Variants in MED13 observed in about 807,000 individuals in gnomAD.
The protein encoded by MED13 is mediator complex subunit 13.
MED13 carries 23 observed loss-of-function variants against 225.2 expected under a neutral mutation model. That is an observed-to-expected ratio of 0.10 (90% CI 0.07 to 0.14). The LOEUF is 0.14. MED13 is among the 10% of genes least tolerant of loss of function. MED13 has a pLI of 1.00. For synonymous variants in MED13, 942 were observed against 889.2 expected, an observed-to-expected ratio of 1.06 and a Z score of -1.06; for missense variants, 2,197 against 2,594.5, an observed-to-expected ratio of 0.85 and a Z score of 3.33.
intron 8 of MED13, among the ~76,000 whole-genome samples, chr17:62,025,741 T>C (rs1453907979): frequency 6.6e-6 from 1 of 152,236 alleles, no homozygotes; most frequent in Non-Finnish European, 1.5e-5. Context: ...TCATCACTGT[T>C]TGCTGACCCC....
intron 3 of MED13, among the ~76,000 whole-genome samples, chr17:62,039,084 T>C (rs28431006): frequency 0.076 from 11,526 of 152,202 alleles, 1,501 homozygotes; most frequent in African/African-American, 0.26. Context: ...GTACAAAACA[T>C]GTAACCAATG....
chr17:61,971,455 T>C (rs1372745904), intron 17 of MED13, among the ~76,000 whole-genome samples: 1 of 151,752 alleles, frequency 6.6e-6, no homozygotes, highest in East Asian at 1.9e-4. Flanking sequence ...CGCACCACCA[T>C]GCCCGGCTTA....
chr17:62,041,584 T>C (rs1406494983), intron 3 of MED13, among the ~76,000 whole-genome samples: 1 of 152,122 alleles, frequency 6.6e-6, no homozygotes, highest in Admixed American at 6.5e-5. Context: ...TCATCTTTTT[T>C]TTTTTCCTTT....
chr17:61,971,592 C>T lies in MED13; in HGVS notation c.3967+1135G>A, dbSNP rs141168270. Among the ~76,000 whole-genome samples, 865 of 152,208 alleles carry T rather than the reference C, an allele frequency of 5.7e-3. 23 individuals carry two copies. Among genetic ancestry groups the T allele is most frequent in the Admixed American group, 0.047 (711 of 15,278 alleles). The stretch of plus-strand genomic sequence containing the variant: ...CTAAGATTACAGGCGTGAGCCACCA[C>T]GCCGGCTACCATCTTAGTTTTTAAA... On this transcript the variant is annotated intron_variant, in intron 17 of 29. Transcript: ENST00000397786.
At chr17:62,053,410 A>G (rs2080972360) in intron 2 of MED13, among the ~76,000 whole-genome samples, 1 of 152,194 alleles carries the variant, frequency 6.6e-6, no homozygotes. Flanking sequence ...TATAGCTTCA[A>G]TTTTGCCAAC....
intron 16 of MED13, among the ~76,000 whole-genome samples, chr17:61,976,635 A>G (rs575686466): frequency 6.6e-6 from 1 of 152,300 alleles, no homozygotes; most frequent in Non-Finnish European, 1.5e-5. Flanking sequence ...GTTGTCATTA[A>G]AATATACAAA....
intron 9 of MED13, among the ~76,000 whole-genome samples, chr17:61,999,155 A>G (rs1180338704): frequency 1.3e-5 from 2 of 152,128 alleles, no homozygotes; most frequent in East Asian, 3.8e-4. Flanking sequence ...AGATCAAATA[A>G]TGTATTCTAC....
intron 9 of MED13, among the ~76,000 whole-genome samples, chr17:62,002,353 G>C (rs2080403109): frequency 6.6e-6 from 1 of 152,044 alleles, no homozygotes; most frequent in African/African-American, 2.4e-5. Flanking sequence ...GCCAGGTGTG[G>C]TGGCACACGC....
At chr17:62,023,800 A>C (rs192667599) in intron 8 of MED13, among the ~76,000 whole-genome samples, 1 of 152,204 alleles carries the variant, frequency 6.6e-6, no homozygotes, top group Admixed American at 6.5e-5. Context: ...CTCACTGTCT[A>C]TCTGTCTTAC....
At chr17:62,036,735 A>G (rs2080806854) in intron 3 of MED13, 1 of 152,228 alleles carries the variant, frequency 6.6e-6, no homozygotes. Flanking sequence ...GAATTTCTGT[A>G]TCTTATACAT....
Position 61,995,372 on chromosome 17 carries a change from A to AATT in MED13, c.1968-8_1968-7insAAT. ...CTTACATTGCACCATTAACCTGCAT[A>AATT]AAAAAATTAAAAAAAATTAATTATC... On this transcript the variant is annotated splice_polypyrimidine_tract_variant and splice_region_variant and intron_variant, in intron 9 of 29. Transcript: ENST00000397786. The AATT allele has an allele frequency of 6.5e-7, 1 of 1,539,914 alleles. No individual in the cohort carries two copies. The highest frequency in any genetic ancestry group is 8.8e-7 in the Non-Finnish European group (1 of 1,142,350).
At chr17:62,028,962 C>A (rs1299024042) in intron 8 of MED13, among the ~76,000 whole-genome samples, 1 of 152,052 alleles carries the variant, frequency 6.6e-6, no homozygotes, top group Non-Finnish European at 1.5e-5. Flanking sequence ...TCGAAATAAG[C>A]CTGGACAACA....
rs1363838263 is a variant in MED13 at position 61,945,212 on chromosome 17, TTTGA to T, written c.*1252_*1255del. The T allele has an allele frequency of 2.6e-5, 4 of 152,080 alleles. No homozygotes were observed. The highest frequency in any genetic ancestry group is 1.3e-4 in the Admixed American group (2 of 15,244). The allele number at this position is 152,080 out of a possible 1,614,324, so 9.4% of individuals were successfully genotyped here. ...CACTGAGAATCTATTTACACCACAG[TTTGA>T]TTGCGCGCACACACACACACCCATA... is the stretch of plus-strand genomic sequence containing the variant. On this transcript the variant is annotated 3_prime_UTR_variant, in exon 30 of 30. Transcript: ENST00000397786.
intron 4 of MED13, 99 bp from the exon 5 acceptor site, chr17:62,034,083 A>T: frequency 1.0e-6 from 1 of 990,112 alleles, no homozygotes; most frequent in Non-Finnish European, 1.5e-6. Context: ...AATTATAAAA[A>T]AGAAAAGGAA....
At chr17:61,982,058 T>C in intron 16 of MED13, 140 bp downstream of exon 16, 2 of 742,100 alleles carry the variant, frequency 2.7e-6, no homozygotes, top group East Asian at 5.5e-5. Context: ...ATTCTCCCTT[T>C]AAAAACATCA....
chr17:62,012,981 C>T lies in MED13; in HGVS notation c.1284-1748G>A, dbSNP rs780318223. The stretch of plus-strand genomic sequence containing the variant: ...CTAATTTTTGTATTTTTAGTAGAGA[C>T]GGGGTTTCACCATGTTGGCCAGGAT... On this transcript the variant is annotated intron_variant, in intron 8 of 29. Coordinates refer to ENST00000397786, the MANE Select transcript of MED13 (RefSeq NM_005121.3). 5.3e-5 allele frequency among the ~76,000 whole-genome samples: 8 copies of T among 151,876 alleles called. No individual in the cohort carries two copies. In the South Asian group the frequency reaches 8.3e-4, roughly 16 times the overall value.
At chr17:62,058,359 A>G (rs2081011269) in intron 2 of MED13, among the ~76,000 whole-genome samples, 1 of 152,030 alleles carries the variant, frequency 6.6e-6, no homozygotes, top group Admixed American at 6.6e-5. Flanking sequence ...AATCTCTACC[A>G]AAAATACAAA....
Position 61,955,523 on chromosome 17 carries a change from T to G in MED13, c.5827A>C (p.Asn1943His). Residue 1943 changes from asparagine to histidine, a missense_variant, in exon 26 of 30, where the codon AAT becomes CAT. By Grantham distance (68) the Asn-to-His change is moderately conservative. Around this residue, in one of 12 missense-constraint regions of MED13, gnomAD observed 216 missense variants for 388.9 expected, o/e 0.56. Transcript: ENST00000397786. ...GTATTTAGCTGAGATGTCTGCATATTTAGAGTCGTGCTTCTTCCAAATACA... is the reference window on the plus strand; with the variant it reads ...GTATTTAGCTGAGATGTCTGCATATGTAGAGTCGTGCTTCTTCCAAATACA... Reference protein sequence around the residue: ...GSVFGRSTTLNMQTSQLNTPQ... With the variant: ...GSVFGRSTTLHMQTSQLNTPQ... The G allele has an allele frequency of 6.3e-7, 1 of 1,583,618 alleles. No homozygotes were observed. Among genetic ancestry groups the G allele is most frequent in the Non-Finnish European group, 8.6e-7 (1 of 1,169,562 alleles).
intron 3 of MED13, among the ~76,000 whole-genome samples, chr17:62,041,476 G>A (rs2080852016): frequency 6.6e-6 from 1 of 152,146 alleles, no homozygotes; most frequent in African/African-American, 2.4e-5. Flanking sequence ...TAGTGGTGAT[G>A]GTTAACAATG....
Sources: allele counts gnomAD v4.1 joint callset (sites outside exome capture counted in the v4.1 genomes callset), GRCh38; gene constraint gnomAD v4.1.1; regional missense constraint gnomAD v4.1.1; transcripts MANE v1.5; gene names NCBI Gene and HGNC (gene_info 2026-07-23, HGNC 2026-07-21).